Variants in PAX7 observed in about 807,000 individuals in gnomAD.
The protein encoded by PAX7 is paired box 7, also known as paired box protein Pax-7.
Under a neutral mutation model 50.7 loss-of-function variants are expected in PAX7, and 18 were observed. The observed-to-expected ratio is 0.36, with a 90% CI of 0.25 to 0.53. The LOEUF is 0.53. Ranked by LOEUF, PAX7 falls within the 20% of genes least tolerant of loss-of-function variation. The pLI, the probability that PAX7 is intolerant of heterozygous loss-of-function variation, is 0.93. For synonymous variants in PAX7, 310 were observed against 290.4 expected (o/e 1.07, Z -0.69); for missense variants, 644 against 702.9 (o/e 0.92, Z 0.95).
chr1:18,638,548 A>G (rs952912876), intron 4 of PAX7, among the ~76,000 whole-genome samples: 3 of 152,210 alleles, frequency 2.0e-5, no homozygotes, highest in Admixed American at 1.3e-4. Flanking sequence ...TTTTTGCGTG[A>G]CAGTGGGTGT....
At chr1:18,738,080 T>A (rs1032086614) in intron 8 of PAX7, among the ~76,000 whole-genome samples, 1 of 152,174 alleles carries the variant, frequency 6.6e-6, no homozygotes, top group Non-Finnish European at 1.5e-5. Context: ...TAGGTGTGGC[T>A]GTGTGTACAT....
At chr1:18,714,628 C>G (rs899301203) in intron 7 of PAX7, among the ~76,000 whole-genome samples, 2 of 152,168 alleles carry the variant, frequency 1.3e-5, no homozygotes, top group African/African-American at 4.8e-5. Context: ...CCTCAGTTTC[C>G]CCATCTGTGC....
intron 4 of PAX7, among the ~76,000 whole-genome samples, chr1:18,649,539 G>A (rs867570063): frequency 8.7e-5 from 13 of 148,826 alleles, no homozygotes; most frequent in South Asian, 4.3e-4. Flanking sequence ...CCCCTCCCCC[G>A]TTCTTCATAA....
chr1:18,718,594 A>C (rs540598528), intron 7 of PAX7, among the ~76,000 whole-genome samples: 1 of 150,914 alleles, frequency 6.6e-6, no homozygotes, highest in East Asian at 2.0e-4. Flanking sequence ...CCCTAACCTC[A>C]GTGCACCTGG....
chr1:18,725,000 A>G (rs1365738912), intron 7 of PAX7, among the ~76,000 whole-genome samples: 1 of 152,156 alleles, frequency 6.6e-6, no homozygotes, highest in African/African-American at 2.4e-5. Flanking sequence ...TGCACAAAGT[A>G]GGTGATGGGC....
At chr1:18,737,495 GTGTT>G (rs1449398030) in intron 8 of PAX7, among the ~76,000 whole-genome samples, 6 of 152,284 alleles carry the variant, frequency 3.9e-5, no homozygotes, top group Non-Finnish European at 7.3e-5. Context: ...GTGTGTATGG[GTGTT>G]TGTGAGTACG....
chr1:18,684,202 C>T (rs536110225), intron 4 of PAX7, among the ~76,000 whole-genome samples: 2 of 152,254 alleles, frequency 1.3e-5, no homozygotes, highest in South Asian at 2.1e-4. Flanking sequence ...ATGGGGTGGG[C>T]GGATGCCAGG....
At chr1:18,717,298 C>G (rs2089439002) in intron 7 of PAX7, among the ~76,000 whole-genome samples, 1 of 152,222 alleles carries the variant, frequency 6.6e-6, no homozygotes, top group Non-Finnish European at 1.5e-5. Context: ...CCTCGGCCGT[C>G]TCGGGACGGG....
intron 5 of PAX7, among the ~76,000 whole-genome samples, chr1:18,692,877 G>A (rs1339574793): frequency 6.6e-6 from 1 of 152,132 alleles, no homozygotes; most frequent in Non-Finnish European, 1.5e-5. Context: ...GGACTGCCCC[G>A]CCTGCTCTCT....
chr1:18,655,201 A>T (rs1480846815), intron 4 of PAX7, among the ~76,000 whole-genome samples: 1 of 152,238 alleles, frequency 6.6e-6, no homozygotes. Context: ...TCCAGGGGCC[A>T]GAAGCTGGTC....
At position 18,651,804 on chromosome 1, in the gene PAX7, C is replaced by T. The variant is rs548336588; in HGVS notation, c.586+15433C>T. 4.1e-3 allele frequency among the ~76,000 whole-genome samples: 591 copies of T among 142,412 alleles called. 4 individuals carry two copies. Among genetic ancestry groups the T allele is most frequent in the African/African-American group, 0.015 (566 of 37,466 alleles). The allele number at this position is 142,412 out of a possible 152,430, so 93.4% of individuals were successfully genotyped here. On this transcript the variant is annotated intron_variant, in intron 4 of 8. Transcript: ENST00000420770. ...CTCCAGGCTTCACAGTGCCACCCCT[C>T]CCCCTCTCCCCTCCCCGCCCCCCCC...
At chr1:18,666,814 G>A (rs1002852619) in intron 4 of PAX7, among the ~76,000 whole-genome samples, 6 of 152,188 alleles carry the variant, frequency 3.9e-5, no homozygotes, top group African/African-American at 1.4e-4. Context: ...TCAAGGCCTC[G>A]GGCCTCTCAG....
intron 4 of PAX7, among the ~76,000 whole-genome samples, chr1:18,640,998 AAG>A (rs982276253): frequency 1.3e-5 from 2 of 152,214 alleles, no homozygotes; most frequent in Non-Finnish European, 2.9e-5. Flanking sequence ...CCAACCGAAG[AAG>A]AGAGAGGGGG....
intron 8 of PAX7, among the ~76,000 whole-genome samples, chr1:18,740,087 A>T (rs1164550839): frequency 6.6e-6 from 1 of 152,224 alleles, no homozygotes; most frequent in Non-Finnish European, 1.5e-5. Context: ...TGAGACATTT[A>T]GAGCCCAGCC....
intron 8 of PAX7, among the ~76,000 whole-genome samples, chr1:18,739,043 C>T (rs1930976424): frequency 1.3e-5 from 2 of 152,218 alleles, no homozygotes; most frequent in African/African-American, 4.8e-5. Flanking sequence ...CTGTGCCCGC[C>T]TATGCCCAGG....
chr1:18,744,701 G>GATGT, intron 8 of PAX7, 113 bp from the exon 9 acceptor site: 3 of 437,484 alleles, frequency 6.9e-6, no homozygotes, highest in Non-Finnish European at 1.4e-5. Context: ...TGGATGGATG[G>GATGT]ATGGATGGAT....
intron 4 of PAX7, among the ~76,000 whole-genome samples, chr1:18,660,295 C>T (rs1316566002): frequency 2.0e-5 from 3 of 152,188 alleles, no homozygotes; most frequent in Non-Finnish European, 4.4e-5. Flanking sequence ...CACTCCAACC[C>T]AACTCTGCCC....
intron 8 of PAX7, among the ~76,000 whole-genome samples, chr1:18,742,915 G>A (rs545340361): frequency 6.6e-6 from 1 of 152,272 alleles, no homozygotes; most frequent in South Asian, 2.1e-4. Flanking sequence ...GAGGAGGCTG[G>A]ACTTTATTTC....
intron 7 of PAX7, among the ~76,000 whole-genome samples, chr1:18,724,976 G>A (rs1352277045): frequency 6.6e-6 from 1 of 152,232 alleles, no homozygotes; most frequent in Non-Finnish European, 1.5e-5. Flanking sequence ...GGGAGGAGGG[G>A]CTGGCAGTCC....
Sources: gnomAD v4.1 joint callset for allele counts (sites outside exome capture counted in the v4.1 genomes callset) on GRCh38, gnomAD v4.1.1 for gene constraint, MANE v1.5 for transcripts, NCBI Gene and HGNC (gene_info 2026-07-23, HGNC 2026-07-21) for gene names.